Variants in LUC7L observed in about 807,000 individuals in gnomAD.
The protein encoded by LUC7L is putative RNA-binding protein Luc7-like 1.
Under a neutral mutation model 51.1 loss-of-function variants are expected in LUC7L, and 29 were observed. The ratio of observed to expected loss-of-function variants is 0.57; its 90% CI spans 0.42 to 0.77. LUC7L has a LOEUF of 0.77. Among genes scored for constraint, LUC7L ranks in the 30% least tolerant of loss-of-function variants. The probability of loss-of-function intolerance (pLI) is 0.00; values close to 1 mark genes in which losing one functional copy is unlikely to be tolerated. For synonymous variants in LUC7L, 181 were observed against 180.7 expected (o/e 1.00, Z -0.01); for missense variants, 403 against 511.9 (o/e 0.79, Z 2.05).
At chr16:203,155 A>G (rs1477401336) in intron 5 of LUC7L, among the ~76,000 whole-genome samples, 1 of 152,102 alleles carries the variant, frequency 6.6e-6, no homozygotes, top group African/African-American at 2.4e-5. Context: ...GTAAAAAAAA[A>G]GTATAATAAT....
intron 5 of LUC7L, among the ~76,000 whole-genome samples, chr16:199,756 CAAAAAAAA>C (rs11361921): frequency 6.5e-5 from 4 of 61,710 alleles, no homozygotes; most frequent in Middle Eastern, 0.012. Flanking sequence ...AACCCTGTCT[CAAAAAAAA>C]AAAAAAAAAA....
At chr16:219,092 T>C (rs2049893764) in intron 3 of LUC7L, among the ~76,000 whole-genome samples, 1 of 152,010 alleles carries the variant, frequency 6.6e-6, no homozygotes, top group South Asian at 2.1e-4. Context: ...AACAAGAACC[T>C]GTCTCAAAAA....
At chr16:216,249 G>A (rs528636996) in intron 3 of LUC7L, among the ~76,000 whole-genome samples, 13 of 152,092 alleles carry the variant, frequency 8.5e-5, no homozygotes, top group Admixed American at 4.6e-4. Context: ...TGATCTGCCC[G>A]CCTCAGCCTC....
In LUC7L at chr16:190,081, T is replaced by G; in HGVS notation, c.861A>C (p.Arg287=). ...GGGACCGGGACCGGGACAATTTCCG[T>G]CGCTCTCGGGAGGTAGATCTTGACC... is the stretch of plus-strand genomic sequence containing the variant. ...RRRSRSTSRE[R]RKLSRSRSRD... The change falls in exon 9 of 10, where the codon CGA becomes CGC. Residue 287 remains arginine (R), a synonymous_variant. Transcript: ENST00000293872. 1 of 1,613,310 alleles carries G rather than the reference T, an allele frequency of 6.2e-7. No individual in the cohort carries two copies. Among genetic ancestry groups the G allele is most frequent in the Non-Finnish European group, 8.5e-7 (1 of 1,179,980 alleles).
intron 2 of LUC7L, among the ~76,000 whole-genome samples, chr16:225,549 C>T (rs1175727658): frequency 1.4e-5 from 2 of 139,374 alleles, no homozygotes; most frequent in Non-Finnish European, 3.1e-5. Flanking sequence ...TGCAATGGCT[C>T]GATCTCGGCT....
chr16:216,808 T>TG (rs2049814686), intron 3 of LUC7L, among the ~76,000 whole-genome samples: 1 of 152,168 alleles, frequency 6.6e-6, no homozygotes, highest in Non-Finnish European at 1.5e-5. Context: ...GTCTCTGACC[T>TG]GTTCTAGCTC....
At chr16:210,623 T>G (rs1405303340) in intron 3 of LUC7L, among the ~76,000 whole-genome samples, 1 of 152,150 alleles carries the variant, frequency 6.6e-6, no homozygotes, top group Admixed American at 6.6e-5. Flanking sequence ...TGAGACAGAT[T>G]CAGGGATTCA....
At chr16:198,566 T>C (rs2049227964) in intron 6 of LUC7L, among the ~76,000 whole-genome samples, 1 of 152,086 alleles carries the variant, frequency 6.6e-6, no homozygotes, top group African/African-American at 2.4e-5. Context: ...AACGACAGGG[T>C]CCAAAATAAA....
chr16:211,022 C>T (rs2049624274), intron 3 of LUC7L, among the ~76,000 whole-genome samples: 1 of 147,440 alleles, frequency 6.8e-6, no homozygotes, highest in Non-Finnish European at 1.5e-5. Flanking sequence ...CACTGCACTC[C>T]AGCCTGGGTG....
At chr16:204,483 A>G (rs1238047827) in intron 5 of LUC7L, among the ~76,000 whole-genome samples, 5 of 151,542 alleles carry the variant, frequency 3.3e-5, no homozygotes, top group Non-Finnish European at 7.4e-5. Context: ...AGTCTCAGCT[A>G]CTCTGGAGGC....
In LUC7L at chr16:206,049, A is replaced by C; in HGVS notation, c.465T>G (p.Ile155Met). 1 of 1,613,678 alleles carries C rather than the reference A, an allele frequency of 6.2e-7. No individual in the cohort carries two copies. Among genetic ancestry groups the C allele is most frequent in the Non-Finnish European group, 8.5e-7 (1 of 1,179,942 alleles). Reference sequence around the variant, plus strand: ...CACGAACTTTTTCCACTTCCATAAGAATCTTCTGGGATTCATCCACATTAC... The same window carrying C: ...CACGAACTTTTTCCACTTCCATAAGCATCTTCTGGGATTCATCCACATTAC... ...AEGNVDESQKILMEVEKVRAK... is the reference protein window; with the variant it reads ...AEGNVDESQKMLMEVEKVRAK... The change falls in exon 5 of 10, where the codon ATT becomes ATG. Residue 155 changes from isoleucine (I) to methionine (M), a missense_variant. Ile to Met is a conservative substitution (Grantham distance 10). Around this residue, in one of 3 missense-constraint regions of LUC7L, gnomAD observed 182 missense variants for 248.4 expected, o/e 0.73. Transcript: ENST00000293872.
At chr16:229,130 C>CCCG (rs941587010) in intron 1 of LUC7L, 149 bp downstream of exon 1, 2 of 1,405,168 alleles carry the variant, frequency 1.4e-6, no homozygotes, top group Non-Finnish European at 1.8e-6. Context: ...TAGACAAAGG[C>CCCG]CCGGCGCCTG....
At chr16:217,334 T>C (rs1201188457) in intron 3 of LUC7L, among the ~76,000 whole-genome samples, 4 of 152,132 alleles carry the variant, frequency 2.6e-5, no homozygotes, top group African/African-American at 2.4e-5. Context: ...TTATTCTTTA[T>C]TGAGAATTGC....
chr16:229,201 G>T lies in LUC7L; in HGVS notation c.61+78C>A, dbSNP rs1056556012. 5 of 1,501,624 alleles carry T rather than the reference G, an allele frequency of 3.3e-6. No individual in the cohort carries two copies. The South Asian group carries it at 6.2e-5, about 19-fold the overall frequency. 93.0% of individuals were successfully genotyped at this position (1,501,624 alleles called of 1,614,324 possible). A position where few individuals can be genotyped will look rare whatever the true frequency, so the allele number is the denominator to read the frequency against. On this transcript the variant is annotated intron_variant, in intron 1 of 9. Coordinates refer to ENST00000293872, the MANE Select transcript of LUC7L (RefSeq NM_201412.3). ...CGCAGGCGCAGGCGCAGACGATCGCGGCCCCCGCCTCAGGCCGCCCGGCGG... is the reference window on the plus strand; with the variant it reads ...CGCAGGCGCAGGCGCAGACGATCGCTGCCCCCGCCTCAGGCCGCCCGGCGG...
rs2049708700 is a variant in LUC7L, at chr16:213,725, C to CTTTGAAAAAAGA, written c.256-5538_256-5537insTCTTTTTTCAAA. Among the ~76,000 whole-genome samples the CTTTGAAAAAAGA allele has an allele frequency of 2.6e-5, 4 of 151,048 alleles. No individual in the cohort carries two copies. The South Asian group carries it at 8.4e-4, about 32-fold the overall frequency. ...CGGCAGAAATCTTTTTTCTTTTTTT[C>CTTTGAAAAAAGA]TTTATTTGAGACCAAGTCTCGCACT... On this transcript the variant is annotated intron_variant, in intron 3 of 9. Transcript: ENST00000293872.
intron 3 of LUC7L, among the ~76,000 whole-genome samples, chr16:219,064 C>T (rs1310472960): frequency 6.6e-6 from 1 of 152,066 alleles, no homozygotes; most frequent in African/African-American, 2.4e-5. Flanking sequence ...CGCCACTGCC[C>T]TCCAGCCTGG....
chr16:193,546 C>T (rs2142040112), intron 6 of LUC7L, among the ~76,000 whole-genome samples: 1 of 152,058 alleles, frequency 6.6e-6, no homozygotes, highest in African/African-American at 2.4e-5. Flanking sequence ...CCCTGTTGCC[C>T]AGTGCAGTGG....
intron 2 of LUC7L, among the ~76,000 whole-genome samples, chr16:223,680 T>C (rs1049268648): frequency 6.6e-6 from 1 of 152,042 alleles, no homozygotes; most frequent in South Asian, 2.1e-4. Flanking sequence ...TTTTTCTTTT[T>C]TTTTTTTGAG....
rs555990064 is a variant in LUC7L, at chr16:189,135, T to C, written c.*63A>G. ...AAAGATGAGTTGTATTCAGCAAATA[T>C]AAAGGGTAATTTTAGACTGTGTGAA... On this transcript the variant is annotated 3_prime_UTR_variant, in exon 10 of 10. Transcript: ENST00000293872. 8.0e-6 allele frequency: 12 copies of C among 1,492,004 alleles called. No individual in the cohort carries two copies. Among genetic ancestry groups the C allele is most frequent in the South Asian group, 1.2e-5 (1 of 80,270 alleles). 92.4% of individuals were successfully genotyped at this position (1,492,004 alleles called of 1,614,324 possible). A position where few individuals can be genotyped will look rare whatever the true frequency, so the allele number is the denominator to read the frequency against.
Sources: allele counts gnomAD v4.1 joint callset (sites outside exome capture counted in the v4.1 genomes callset), GRCh38; gene constraint gnomAD v4.1.1; regional missense constraint gnomAD v4.1.1; transcripts MANE v1.5; gene names NCBI Gene and HGNC (gene_info 2026-07-23, HGNC 2026-07-21).